RBMS2: variants seen among roughly 807,000 people sequenced by gnomAD.
RBMS2 encodes the protein RNA-binding motif, single-stranded-interacting protein 2.
In RBMS2, 38 loss-of-function variants were observed where a neutral mutation model predicts 58.4. The observed-to-expected ratio is 0.65, with a 90% CI of 0.50 to 0.85. The LOEUF is 0.85. Among genes scored for constraint, RBMS2 ranks in the 40% least tolerant of loss-of-function variants. RBMS2 has a pLI of 0.00. For synonymous variants in RBMS2, 151 were observed against 180.7 expected, an observed-to-expected ratio of 0.84 and a Z score of 1.32; for missense variants, 367 against 503.7, an observed-to-expected ratio of 0.73 and a Z score of 2.60.
rs562615737 is a variant in RBMS2, at chr12:56,544,887, C to T, written c.67-17530C>T. On this transcript the variant is annotated intron_variant, in intron 1 of 13. Transcript: ENST00000262031. ...AAGATTCTAGGCATGAGGCACCACA[C>T]CTGGCCCTCATCACATTTTTTTAAA... is the stretch of plus-strand genomic sequence containing the variant. Among the ~76,000 whole-genome samples, 213 of 151,750 alleles carry T rather than the reference C, an allele frequency of 1.4e-3. 2 individuals are homozygous for T. Among genetic ancestry groups the T allele is most frequent in the African/African-American group, 5.0e-3 (208 of 41,384 alleles).
At chr12:56,581,140 A>T (rs1565778184) in intron 5 of RBMS2, 44 bp from the exon 6 acceptor site, 1 of 1,471,038 alleles carries the variant, frequency 6.8e-7, no homozygotes, top group Admixed American at 1.7e-5. Context: ...TGGAGAGCAC[A>T]GATCCTGGAG....
chr12:56,565,476 G>T (rs1276988255), intron 2 of RBMS2, among the ~76,000 whole-genome samples: 1 of 152,074 alleles, frequency 6.6e-6, no homozygotes, highest in African/African-American at 2.4e-5. Context: ...CAGATACAGA[G>T]GGATTTTTAT....
intron 1 of RBMS2, among the ~76,000 whole-genome samples, chr12:56,535,494 CAA>C (rs59905092): frequency 1.7e-4 from 17 of 97,696 alleles, no homozygotes; most frequent in African/African-American, 2.1e-4. Flanking sequence ...GACTCCATCT[CAA>C]AAAAAAAAAA....
At chr12:56,586,788 A>T in intron 9 of RBMS2, 61 bp from the exon 10 acceptor site, 1 of 1,380,462 alleles carries the variant, frequency 7.2e-7, no homozygotes, top group Non-Finnish European at 1.0e-6. Context: ...GAACATTATT[A>T]GATCTGTGGG....
At chr12:56,540,176 A>G (rs1875811828) in intron 1 of RBMS2, among the ~76,000 whole-genome samples, 1 of 152,204 alleles carries the variant, frequency 6.6e-6, no homozygotes, top group African/African-American at 2.4e-5. Context: ...AAATTTTATT[A>G]GGGCCAGAGC....
At position 56,562,415 on chromosome 12, in the gene RBMS2, A is replaced by G. The variant is rs1017035633; in HGVS notation, c.67-2A>G. ...CTACCTCTTCCTCATGTCTCCCTGC[A>G]GCCATATGTGTCATTGGCTCAGCAG... On this transcript the variant is annotated splice_acceptor_variant, in intron 1 of 13. Coordinates refer to ENST00000262031, the MANE Select transcript of RBMS2 (RefSeq NM_002898.4). LOFTEE classifies it high-confidence loss of function. The G allele has an allele frequency of 1.9e-6, 3 of 1,600,382 alleles. No homozygotes were observed. In the Admixed American group the frequency reaches 5.0e-5, roughly 27 times the overall value.
intron 1 of RBMS2, among the ~76,000 whole-genome samples, chr12:56,554,790 G>A (rs1565749425): frequency 2.0e-5 from 3 of 152,024 alleles, no homozygotes; most frequent in East Asian, 1.9e-4. Flanking sequence ...TGGTAGTGGC[G>A]GTACTAAACA....
At chr12:56,544,609 G>A (rs114159164) in intron 1 of RBMS2, among the ~76,000 whole-genome samples, 2,343 of 152,062 alleles carry the variant, frequency 0.015, 65 homozygotes, top group African/African-American at 0.054. Flanking sequence ...TGTTGTTGTT[G>A]AGACAGTCTT....
intron 1 of RBMS2, among the ~76,000 whole-genome samples, chr12:56,534,074 C>G (rs1165342327): frequency 6.6e-6 from 1 of 152,136 alleles, no homozygotes; most frequent in Non-Finnish European, 1.5e-5. Context: ...TCTGTGCTTG[C>G]AACCACTGCT....
At chr12:56,542,406 A>C (rs1038279448) in intron 1 of RBMS2, among the ~76,000 whole-genome samples, 1 of 14,962 alleles carries the variant, frequency 6.7e-5, no homozygotes, top group Non-Finnish European at 5.6e-4. Flanking sequence ...GGTAAACTAA[A>C]TCCCTTTACC....
chr12:56,581,583 G>A, intron 7 of RBMS2, 75 bp downstream of exon 7: 1 of 1,434,870 alleles, frequency 7.0e-7, no homozygotes, highest in Admixed American at 1.8e-5. Flanking sequence ...CATGATTTCT[G>A]TGAGCTTAGG....
intron 12 of RBMS2, 44 bp downstream of exon 12, chr12:56,588,418 A>G: frequency 1.3e-6 from 2 of 1,536,454 alleles, no homozygotes; most frequent in Non-Finnish European, 1.8e-6. Flanking sequence ...AGGAAAATGA[A>G]CGGAGGCAGG....
At chr12:56,541,109 A>AAAC (rs1383401509) in intron 1 of RBMS2, among the ~76,000 whole-genome samples, 1 of 151,984 alleles carries the variant, frequency 6.6e-6, no homozygotes, top group South Asian at 2.1e-4. Flanking sequence ...TCAAAAAAAA[A>AAAC]AAAAAACCCC....
At chr12:56,543,348 G>A (rs1015720124) in intron 1 of RBMS2, among the ~76,000 whole-genome samples, 1 of 151,740 alleles carries the variant, frequency 6.6e-6, no homozygotes, top group Non-Finnish European at 1.5e-5. Context: ...AGCTGGGCGT[G>A]GTGGCAGGCG....
At chr12:56,573,614 C>T (rs554471090) in intron 5 of RBMS2, among the ~76,000 whole-genome samples, 1 of 152,026 alleles carries the variant, frequency 6.6e-6, no homozygotes, top group South Asian at 2.1e-4. Context: ...TTGGGACCAT[C>T]GAACTTATTT....
chr12:56,531,523 T>C (rs562297796), intron 1 of RBMS2, among the ~76,000 whole-genome samples: 1 of 152,260 alleles, frequency 6.6e-6, no homozygotes, highest in African/African-American at 2.4e-5. Context: ...CCTTGAATTT[T>C]TCATCTTAAA....
chr12:56,577,939 C>T (rs1272931410), intron 5 of RBMS2, among the ~76,000 whole-genome samples: 1 of 151,804 alleles, frequency 6.6e-6, no homozygotes, highest in African/African-American at 2.4e-5. Context: ...CCACCTGCCT[C>T]GGCCTCCCAG....
At chr12:56,538,989 T>TGTTA (rs1425661169) in intron 1 of RBMS2, among the ~76,000 whole-genome samples, 1 of 150,286 alleles carries the variant, frequency 6.7e-6, no homozygotes, top group African/African-American at 2.4e-5. Flanking sequence ...AATCATTCGT[T>TGTTA]GTTAGTTATA....
chr12:56,588,770 G>A, intron 12 of RBMS2, 162 bp from the exon 13 acceptor site: 1 of 694,396 alleles, frequency 1.4e-6, no homozygotes, highest in Non-Finnish European at 2.6e-6. Context: ...GCTGTAGGAA[G>A]GTTGGGGAAG....
Sources: gnomAD v4.1 joint callset for allele counts (sites outside exome capture counted in the v4.1 genomes callset) on GRCh38, gnomAD v4.1.1 for gene constraint, MANE v1.5 for transcripts, NCBI Gene and HGNC (gene_info 2026-07-23, HGNC 2026-07-21) for gene names.